Variants in UXS1 observed in about 807,000 individuals in gnomAD.
UXS1 encodes UDP-glucuronate decarboxylase 1, also known as UDP-glucuronic acid decarboxylase 1.
UXS1 carries 33 observed loss-of-function variants against 62.6 expected under a neutral mutation model. That is an observed-to-expected ratio of 0.53 (90% CI 0.40 to 0.70). UXS1 has a LOEUF of 0.70. UXS1 is among the 30% of genes least tolerant of loss of function. The probability of loss-of-function intolerance (pLI) is 0.00; values close to 1 mark genes in which losing one functional copy is unlikely to be tolerated. For missense variants in UXS1, 434 were observed against 556.3 expected, an observed-to-expected ratio of 0.78 and a Z score of 2.21; for synonymous variants, 213 against 206.8, an observed-to-expected ratio of 1.03 and a Z score of -0.26.
At chr2:106,182,954 C>T (rs1271149919) in intron 1 of UXS1, among the ~76,000 whole-genome samples, 1 of 152,028 alleles carries the variant, frequency 6.6e-6, no homozygotes, top group Non-Finnish European at 1.5e-5. Flanking sequence ...TTAGGATGCA[C>T]TGGGGTAAGG....
At position 106,109,061 on chromosome 2, in the gene UXS1, A is replaced by G. The variant is rs181681942; in HGVS notation, c.879+3585T>C. Among the ~76,000 whole-genome samples the G allele has an allele frequency of 1.9e-4, 29 of 152,150 alleles. No homozygotes were observed. The East Asian group carries it at 5.6e-3, about 29-fold the overall frequency. On this transcript the variant is annotated intron_variant, in intron 10 of 14. Coordinates refer to ENST00000283148, the MANE Select transcript of UXS1 (RefSeq NM_001253875.2). ...ATCCTGTTAGGTTGGTTTAGCTAGA[A>G]TCCGCCTTACCTCTGATGCTTCCTC...
chr2:106,152,934 C>T (rs1682150557), intron 5 of UXS1, among the ~76,000 whole-genome samples: 2 of 152,144 alleles, frequency 1.3e-5, no homozygotes, highest in Non-Finnish European at 1.5e-5. Context: ...CCCACCCCAG[C>T]ACCAGGGCAG....
At chr2:106,173,763 T>C (rs1238299240) in intron 1 of UXS1, among the ~76,000 whole-genome samples, 3 of 152,258 alleles carry the variant, frequency 2.0e-5, no homozygotes, top group Admixed American at 6.5e-5. Context: ...TCAGGTGCTG[T>C]GAACTAGTAT....
chr2:106,162,257 T>C (rs1682945010), intron 4 of UXS1, among the ~76,000 whole-genome samples: 1 of 152,188 alleles, frequency 6.6e-6, no homozygotes, highest in Non-Finnish European at 1.5e-5. Flanking sequence ...AAGAATAAAT[T>C]ATTAGTAAAT....
chr2:106,145,218 G>A lies in UXS1; in HGVS notation c.444C>T (p.His148=), dbSNP rs368812339. ...IGHENFELIN[H]DVVEPLYIEV... ...CGATGTAGAGGGGCTCCACCACGTC[G>A]TGGTTAATCAACTCGAAGTTCTCAT... The change falls in exon 6 of 15, where the codon CAC becomes CAT. Residue 148 remains histidine (H), a synonymous_variant. Transcript: ENST00000283148. 3.2e-5 allele frequency: 51 copies of A among 1,613,780 alleles called. No individual in the cohort carries two copies. The African/African-American group carries it at 4.8e-4, about 15-fold the overall frequency.
chr2:106,169,955 T>C (rs1265841498), intron 1 of UXS1, among the ~76,000 whole-genome samples: 1 of 152,114 alleles, frequency 6.6e-6, no homozygotes, highest in Non-Finnish European at 1.5e-5. Context: ...TGGATAAGAA[T>C]GGATGTAAGC....
intron 4 of UXS1, among the ~76,000 whole-genome samples, chr2:106,158,778 GTCAC>G (rs1307516952): frequency 6.6e-6 from 1 of 152,174 alleles, no homozygotes; most frequent in Non-Finnish European, 1.5e-5. Context: ...CTGCCCCAGG[GTCAC>G]TCAAACAGAG....
chr2:106,125,523 TG>T, intron 8 of UXS1, 96 bp downstream of exon 8: 1 of 1,199,772 alleles, frequency 8.3e-7, no homozygotes. Flanking sequence ...ATGGGCAGGC[TG>T]GGCCTCCTCA....
chr2:106,111,129 G>T (rs1251671255), intron 10 of UXS1, among the ~76,000 whole-genome samples: 3 of 152,216 alleles, frequency 2.0e-5, no homozygotes, highest in African/African-American at 7.2e-5. Context: ...CACAGGACAG[G>T]GAGAATGAGA....
At position 106,164,728 on chromosome 2, in the gene UXS1, A is replaced by AG; in HGVS notation, c.186+7dup. The AG allele has an allele frequency of 6.4e-7, 1 of 1,561,970 alleles. No homozygotes were observed. Among genetic ancestry groups the AG allele is most frequent in the Non-Finnish European group, 8.7e-7 (1 of 1,149,710 alleles). ...TGAAATAGATACAAAAATAGAAAAA[A>AG]GACTAACCTCTTCAATCTTGCTTTC... On this transcript the variant is annotated splice_region_variant and intron_variant, in intron 3 of 14. Transcript: ENST00000283148.
intron 1 of UXS1, among the ~76,000 whole-genome samples, chr2:106,171,837 G>C (rs1488298055): frequency 1.3e-5 from 2 of 152,328 alleles, no homozygotes; most frequent in East Asian, 3.9e-4. Flanking sequence ...CTAAGTCACA[G>C]GAAGAAAGTG....
chr2:106,188,594 G>A (rs143188337), intron 1 of UXS1, among the ~76,000 whole-genome samples: 28 of 152,326 alleles, frequency 1.8e-4, no homozygotes, highest in East Asian at 1.7e-3. Context: ...TACAGCCCTC[G>A]CTCACTGGGC....
At chr2:106,112,824 T>C in intron 9 of UXS1, 59 bp from the exon 10 acceptor site, 4 of 1,569,638 alleles carry the variant, frequency 2.5e-6, no homozygotes, top group Non-Finnish European at 3.5e-6. Context: ...CGCATCCACT[T>C]TGCATTTCCA....
At chr2:106,101,779 A>G (rs1677620678) in intron 11 of UXS1, 1 of 152,336 alleles carries the variant, frequency 6.6e-6, no homozygotes, top group African/African-American at 2.4e-5. Flanking sequence ...GAAGGTGAAG[A>G]TAAGTAAGCA....
At chr2:106,138,434 G>A (rs928307118) in intron 6 of UXS1, 1 of 985,458 alleles carries the variant, frequency 1.0e-6, no homozygotes, top group African/African-American at 1.7e-5. Context: ...TAGAGGGAGG[G>A]GAGGCCCCCT....
At chr2:106,179,594 TA>T (rs1684114708) in intron 1 of UXS1, 2 of 152,232 alleles carry the variant, frequency 1.3e-5, no homozygotes, top group Non-Finnish European at 2.9e-5. Flanking sequence ...GGCTTGAAGG[TA>T]AAGCTTTAAA....
chr2:106,114,169 G>A (rs1678875156), intron 9 of UXS1, among the ~76,000 whole-genome samples: 1 of 152,194 alleles, frequency 6.6e-6, no homozygotes, highest in Non-Finnish European at 1.5e-5. Flanking sequence ...TCCCTAGGGT[G>A]TTCCACAAAC....
At chr2:106,154,805 T>C (rs181773226) in intron 5 of UXS1, among the ~76,000 whole-genome samples, 5 of 152,208 alleles carry the variant, frequency 3.3e-5, no homozygotes, top group Admixed American at 6.5e-5. Context: ...CAACAAACAA[T>C]GGAGAAAGCA....
chr2:106,156,762 T>C (rs1370495822), intron 5 of UXS1, among the ~76,000 whole-genome samples: 1 of 152,176 alleles, frequency 6.6e-6, no homozygotes, highest in Non-Finnish European at 1.5e-5. Flanking sequence ...TGAAAAAAAG[T>C]CTGCACATGT....
Sources: gnomAD v4.1 joint callset for allele counts (sites outside exome capture counted in the v4.1 genomes callset) on GRCh38, gnomAD v4.1.1 for gene constraint, MANE v1.5 for transcripts, NCBI Gene and HGNC (gene_info 2026-07-23, HGNC 2026-07-21) for gene names.